Variants in DGKB observed in about 807,000 individuals in gnomAD.
DGKB encodes the protein 90 kDa diacylglycerol kinase.
In DGKB, 67 loss-of-function variants were observed where a neutral mutation model predicts 114.3. That is an observed-to-expected ratio of 0.59 (90% CI 0.48 to 0.72). The LOEUF is 0.72. Ranked by LOEUF, DGKB falls within the 30% of genes least tolerant of loss-of-function variation. The probability of loss-of-function intolerance (pLI) is 0.00; values close to 1 mark genes in which losing one functional copy is unlikely to be tolerated. For missense variants in DGKB, 907 were observed against 975.2 expected (o/e 0.93, Z 0.93); for synonymous variants, 398 against 323.1 (o/e 1.23, Z -2.49).
intron 10 of DGKB, among the ~76,000 whole-genome samples, chr7:14,683,119 A>G (rs1400988832): frequency 6.6e-6 from 1 of 152,196 alleles, no homozygotes; most frequent in African/African-American, 2.4e-5. Context: ...AATTTTTCAC[A>G]ATAATTCCCA....
intron 21 of DGKB, among the ~76,000 whole-genome samples, chr7:14,469,963 A>T (rs1426365106): frequency 6.6e-6 from 1 of 151,948 alleles, no homozygotes; most frequent in African/African-American, 2.4e-5. Context: ...TTATCTGTAC[A>T]CTATATGGTT....
intron 21 of DGKB, among the ~76,000 whole-genome samples, chr7:14,380,806 G>A (rs964584076): frequency 6.6e-6 from 1 of 152,116 alleles, no homozygotes; most frequent in African/African-American, 2.4e-5. Flanking sequence ...AGCAATCAAA[G>A]CATATGGACT....
chr7:14,767,691 G>A (rs914494880), intron 2 of DGKB, among the ~76,000 whole-genome samples: 4 of 151,730 alleles, frequency 2.6e-5, no homozygotes, highest in African/African-American at 9.7e-5. Flanking sequence ...ATTTTTTTGT[G>A]TTGTAAAATT....
intron 18 of DGKB, among the ~76,000 whole-genome samples, chr7:14,581,589 C>A (rs905636848): frequency 2.6e-5 from 4 of 152,306 alleles, no homozygotes; most frequent in Admixed American, 6.5e-5. Flanking sequence ...ATCTCTGCCG[C>A]TGACATCCCA....
chr7:14,208,352 GA>G (rs1253062434), intron 23 of DGKB, among the ~76,000 whole-genome samples: 2 of 151,960 alleles, frequency 1.3e-5, no homozygotes, highest in Admixed American at 1.3e-4. Context: ...TGCAGTATTA[GA>G]AGGCCTTAAA....
intron 5 of DGKB, among the ~76,000 whole-genome samples, chr7:14,722,787 G>C (rs1434255825): frequency 2.6e-5 from 4 of 151,972 alleles, no homozygotes; most frequent in Non-Finnish European, 5.9e-5. Flanking sequence ...ACTCCAGCCT[G>C]GGCGGCAGAG....
chr7:14,935,727 T>C (rs994990192), intron 1 of DGKB, among the ~76,000 whole-genome samples: 2 of 152,212 alleles, frequency 1.3e-5, no homozygotes, highest in East Asian at 3.9e-4. Flanking sequence ...TTCTCTCCTT[T>C]CCTCTCCTCT....
chr7:14,829,565 G>A (rs1846136562), intron 2 of DGKB, among the ~76,000 whole-genome samples: 1 of 152,106 alleles, frequency 6.6e-6, no homozygotes, highest in South Asian at 2.1e-4. Flanking sequence ...AGGACACCTG[G>A]AGTTTTATCA....
intron 23 of DGKB, among the ~76,000 whole-genome samples, chr7:14,279,477 T>C (rs988882874): frequency 1.3e-5 from 2 of 152,298 alleles, no homozygotes; most frequent in Non-Finnish European, 1.5e-5. Context: ...GACTTAAATG[T>C]CCCTGTCTGA....
intron 23 of DGKB, among the ~76,000 whole-genome samples, chr7:14,187,116 G>T (rs10240586): frequency 5.3e-5 from 8 of 151,992 alleles, no homozygotes; most frequent in Non-Finnish European, 1.0e-4. Context: ...CCAGCAAACA[G>T]TCCTACCAAT....
At chr7:14,264,050 A>G (rs1424301615) in intron 23 of DGKB, among the ~76,000 whole-genome samples, 1 of 152,058 alleles carries the variant, frequency 6.6e-6, no homozygotes, top group Non-Finnish European at 1.5e-5. Context: ...TCTATTTTTG[A>G]AATGTATCCA....
At chr7:14,365,058 T>C (rs1249087247) in intron 21 of DGKB, among the ~76,000 whole-genome samples, 8 of 152,010 alleles carry the variant, frequency 5.3e-5, no homozygotes, top group South Asian at 4.2e-4. Context: ...TGATCACTTA[T>C]GGTTTTTTAC....
chr7:14,563,535 A>G (rs1400054196), intron 20 of DGKB, among the ~76,000 whole-genome samples: 2 of 150,984 alleles, frequency 1.3e-5, no homozygotes, highest in African/African-American at 4.9e-5. Context: ...AATATTTTCT[A>G]TCTTTTTGTT....
At chr7:14,943,656 A>G (rs974492675) in intron 1 of DGKB, among the ~76,000 whole-genome samples, 4 of 151,956 alleles carry the variant, frequency 2.6e-5, no homozygotes, top group Non-Finnish European at 4.4e-5. Context: ...ACACATATAT[A>G]TATCTCCTGT....
intron 21 of DGKB, among the ~76,000 whole-genome samples, chr7:14,364,419 AAAGGAAGG>A (rs549438126): frequency 7.9e-5 from 12 of 151,692 alleles, no homozygotes; most frequent in African/African-American, 1.9e-4. Context: ...AAGAAGGAAG[AAAGGAAGG>A]AAGGAAGGAA....
intron 21 of DGKB, among the ~76,000 whole-genome samples, chr7:14,364,397 G>GAAAA (rs61170373): frequency 3.0e-3 from 447 of 147,096 alleles, no homozygotes; most frequent in African/African-American, 0.011. Context: ...GAAAGCAAAG[G>GAAAA]AAAAAAAAAG....
At chr7:14,429,858 CGGAG>C (rs1426773622) in intron 21 of DGKB, among the ~76,000 whole-genome samples, 1 of 151,914 alleles carries the variant, frequency 6.6e-6, no homozygotes, top group African/African-American at 2.4e-5. Context: ...ACCCGGAAGG[CGGAG>C]GTTGTAGTGA....
intron 2 of DGKB, among the ~76,000 whole-genome samples, chr7:14,828,059 C>T (rs1694432104): frequency 6.6e-6 from 1 of 152,024 alleles, no homozygotes; most frequent in Non-Finnish European, 1.5e-5. Context: ...TAAAGTAAAT[C>T]TTCAGTAGTT....
At chr7:14,439,409 C>A (rs1829743714) in intron 21 of DGKB, among the ~76,000 whole-genome samples, 1 of 152,100 alleles carries the variant, frequency 6.6e-6, no homozygotes, top group Non-Finnish European at 1.5e-5. Flanking sequence ...GTTCTCTTCA[C>A]CCCTTGATGA....
Sources: allele counts gnomAD v4.1 joint callset (sites outside exome capture counted in the v4.1 genomes callset), GRCh38; gene constraint gnomAD v4.1.1; transcripts MANE v1.5; gene names NCBI Gene and HGNC (gene_info 2026-07-23, HGNC 2026-07-21).